Variants in SNTG1 observed in about 807,000 individuals in gnomAD.
The protein encoded by SNTG1 is gamma-1-syntrophin.
Under a neutral mutation model 74.7 loss-of-function variants are expected in SNTG1, and 39 were observed. The observed-to-expected ratio is 0.52, with a 90% CI of 0.40 to 0.68. SNTG1 has a LOEUF of 0.68. Ranked by LOEUF, SNTG1 falls within the 30% of genes least tolerant of loss-of-function variation. SNTG1 has a pLI of 0.00. For missense variants in SNTG1, 685 were observed against 609.5 expected (o/e 1.12, Z -1.30); for synonymous variants, 254 against 217.1 (o/e 1.17, Z -1.49).
At chr8:50,415,497 TG>T (rs1170564282) in intron 4 of SNTG1, among the ~76,000 whole-genome samples, 1 of 152,148 alleles carries the variant, frequency 6.6e-6, no homozygotes, top group East Asian at 1.9e-4. Flanking sequence ...GTAAGATTTT[TG>T]GTTAAAATTT....
chr8:49,942,806 A>C (rs1808818801), intron 1 of SNTG1, among the ~76,000 whole-genome samples: 1 of 152,152 alleles, frequency 6.6e-6, no homozygotes, highest in Admixed American at 6.5e-5. Context: ...ACAACGTATC[A>C]CCGTTGATGT....
Position 49,912,227 on chromosome 8 carries a change from G to C in SNTG1, c.-107G>C, listed in dbSNP as rs149399755. 6.6e-6 allele frequency: 1 copy of C among 152,154 alleles called. No individual in the cohort carries two copies. The highest frequency in any genetic ancestry group is 1.5e-5 in the Non-Finnish European group (1 of 68,036). 9.4% of individuals were successfully genotyped at this position (152,154 alleles called of 1,614,324 possible). A position where few individuals can be genotyped will look rare whatever the true frequency, so the allele number is the denominator to read the frequency against. The stretch of plus-strand genomic sequence containing the variant: ...GAAAAGACATCTAATTTCATTGCTC[G>C]GCAGGTAAGTGATAGCGCTATTATT... On this transcript the variant is annotated 5_prime_UTR_variant, in exon 1 of 19. Transcript: ENST00000642720.
chr8:50,092,431 A>G (rs1286779895), intron 1 of SNTG1, among the ~76,000 whole-genome samples: 1 of 152,108 alleles, frequency 6.6e-6, no homozygotes, highest in East Asian at 1.9e-4. Flanking sequence ...CAAAAACCAC[A>G]TTTCCCATGG....
At chr8:50,018,066 TTAACA>T (rs1433944214) in intron 1 of SNTG1, among the ~76,000 whole-genome samples, 1 of 152,020 alleles carries the variant, frequency 6.6e-6, no homozygotes, top group Non-Finnish European at 1.5e-5. Flanking sequence ...ATCATAAGAC[TTAACA>T]TTACTAAGCT....
At chr8:50,559,888 C>CT (rs2094476968) in intron 12 of SNTG1, among the ~76,000 whole-genome samples, 1 of 152,054 alleles carries the variant, frequency 6.6e-6, no homozygotes, top group East Asian at 1.9e-4. Context: ...TCTAATTAAA[C>CT]TAAAGAGTTT....
chr8:50,748,714 TTACATTTGTTA>T (rs771705038), intron 17 of SNTG1, among the ~76,000 whole-genome samples: 1 of 152,066 alleles, frequency 6.6e-6, no homozygotes, highest in Non-Finnish European at 1.5e-5. Context: ...GCTTTTTAAA[TTACATTTGTTA>T]TGGTGGCCTG....
intron 2 of SNTG1, among the ~76,000 whole-genome samples, chr8:50,371,592 C>T (rs921387801): frequency 1.3e-5 from 2 of 152,162 alleles, no homozygotes; most frequent in Admixed American, 1.3e-4. Context: ...CTTATTGATT[C>T]TCTGTCTCAC....
intron 11 of SNTG1, among the ~76,000 whole-genome samples, chr8:50,547,369 T>C (rs1023575918): frequency 6.6e-6 from 1 of 152,150 alleles, no homozygotes; most frequent in Admixed American, 6.5e-5. Flanking sequence ...GGCATAAACC[T>C]CTTCACTTGT....
chr8:50,707,816 G>T, intron 16 of SNTG1: 1 of 354,874 alleles, frequency 2.8e-6, no homozygotes, highest in Non-Finnish European at 5.0e-6. Flanking sequence ...GCTTATAGAT[G>T]TAACAATACA....
chr8:49,913,925 A>G (rs1805795568), intron 1 of SNTG1, among the ~76,000 whole-genome samples: 1 of 152,196 alleles, frequency 6.6e-6, no homozygotes, highest in Admixed American at 6.5e-5. Flanking sequence ...CAGAGGGGGC[A>G]GGCTTTCTCT....
At chr8:50,761,603 A>ATTTTTT (rs200187689) in intron 18 of SNTG1, among the ~76,000 whole-genome samples, 13 of 148,322 alleles carry the variant, frequency 8.8e-5, no homozygotes, top group African/African-American at 3.2e-4. Flanking sequence ...TGCCTGAGCT[A>ATTTTTT]TTTTTTTTTT....
chr8:50,747,365 G>A (rs1306591536), intron 17 of SNTG1, among the ~76,000 whole-genome samples: 1 of 151,914 alleles, frequency 6.6e-6, no homozygotes, highest in African/African-American at 2.4e-5. Flanking sequence ...TCTTGAGCGT[G>A]CTACTCATAT....
chr8:50,521,910 T>C (rs2094182791), intron 9 of SNTG1, among the ~76,000 whole-genome samples: 1 of 152,120 alleles, frequency 6.6e-6, no homozygotes, highest in Non-Finnish European at 1.5e-5. Context: ...TTGAGAAGTC[T>C]TGAACTCCTC....
chr8:50,030,151 T>C (rs1401679438), intron 1 of SNTG1, among the ~76,000 whole-genome samples: 1 of 152,196 alleles, frequency 6.6e-6, no homozygotes, highest in East Asian at 1.9e-4. Flanking sequence ...TGTCTTCTTT[T>C]GAGAAATGTC....
chr8:50,246,116 A>T (rs2086387300), intron 2 of SNTG1, among the ~76,000 whole-genome samples: 1 of 150,692 alleles, frequency 6.6e-6, no homozygotes, highest in Non-Finnish European at 1.5e-5. Context: ...CAGACCTGAT[A>T]CTAGATGCAT....
chr8:50,357,368 A>C (rs1038418717), intron 2 of SNTG1, among the ~76,000 whole-genome samples: 1 of 152,232 alleles, frequency 6.6e-6, no homozygotes, highest in Non-Finnish European at 1.5e-5. Flanking sequence ...GAACAGGTTT[A>C]CACATTGTTT....
At chr8:50,489,996 A>C (rs528416688) in intron 8 of SNTG1, among the ~76,000 whole-genome samples, 93 of 152,324 alleles carry the variant, frequency 6.1e-4, no homozygotes, top group African/African-American at 2.0e-3. Context: ...GTGGCTAGCC[A>C]GTTTTCCCAA....
intron 15 of SNTG1, among the ~76,000 whole-genome samples, chr8:50,694,863 A>G (rs2095397917): frequency 6.6e-6 from 1 of 151,006 alleles, no homozygotes; most frequent in African/African-American, 2.5e-5. Context: ...AAAGCATTTG[A>G]CAAAATTCAA....
chr8:50,373,904 C>A (rs1302994823), intron 2 of SNTG1, among the ~76,000 whole-genome samples: 1 of 152,104 alleles, frequency 6.6e-6, no homozygotes, highest in South Asian at 2.1e-4. Context: ...ACCTTTACTC[C>A]ACTGTGAATC....
Sources: allele counts gnomAD v4.1 joint callset (sites outside exome capture counted in the v4.1 genomes callset), GRCh38; gene constraint gnomAD v4.1.1; transcripts MANE v1.5; gene names NCBI Gene and HGNC (gene_info 2026-07-23, HGNC 2026-07-21).